Variants in SFXN1 observed in about 807,000 individuals in gnomAD.
SFXN1 encodes the protein sideroflexin-1.
In SFXN1, 32 loss-of-function variants were observed where a neutral mutation model predicts 39.5. The observed-to-expected ratio is 0.81, with a 90% CI of 0.61 to 1.09. The LOEUF is 1.09. Ranked by LOEUF, SFXN1 falls within the 50% of genes least tolerant of loss-of-function variation. The pLI, the probability that SFXN1 is intolerant of heterozygous loss-of-function variation, is 0.00. For synonymous variants in SFXN1, 136 were observed against 146.5 expected (o/e 0.93, Z 0.52); for missense variants, 402 against 407.1 (o/e 0.99, Z 0.11).
Position 175,522,452 on chromosome 5 carries a change from A to G in SFXN1, c.872+30A>G, listed in dbSNP as rs1388415576. 6.2e-6 allele frequency: 10 copies of G among 1,606,606 alleles called. No homozygotes were observed. The South Asian group carries it at 8.8e-5, about 14-fold the overall frequency. On this transcript the variant is annotated intron_variant, in intron 10 of 10. Coordinates refer to ENST00000321442, the MANE Select transcript of SFXN1 (RefSeq NM_022754.7). ...GTATTTGTTATTCGTCAGAATCATC[A>G]TGAGTATTAATCCTAAAAACCAATT...
chr5:175,480,639 A>T (rs1234572288), intron 1 of SFXN1, among the ~76,000 whole-genome samples: 3 of 152,230 alleles, frequency 2.0e-5, no homozygotes, highest in African/African-American at 2.4e-5. Context: ...CCCCATGGGG[A>T]TGGATACAGA....
At chr5:175,517,512 G>A (rs866611529) in intron 8 of SFXN1, among the ~76,000 whole-genome samples, 4 of 152,068 alleles carry the variant, frequency 2.6e-5, no homozygotes, top group Admixed American at 6.5e-5. Context: ...CTGGTTGTAG[G>A]TGTACTCCTT....
Position 175,513,599 on chromosome 5 carries a change from G to C in SFXN1, c.724+9G>C, listed in dbSNP as rs750388562. On this transcript the variant is annotated intron_variant, in intron 7 of 10. Transcript: ENST00000321442. ...GGCAGCCCCTGGCATGGGTTAGCAG[G>C]ACTTTGTCATTTATTCCATAAATAC... 6.2e-7 allele frequency: 1 copy of C among 1,613,338 alleles called. No homozygotes were observed. Among genetic ancestry groups the C allele is most frequent in the South Asian group, 1.1e-5 (1 of 90,976 alleles).
chr5:175,507,846 G>A (rs370754312), intron 2 of SFXN1, among the ~76,000 whole-genome samples: 9 of 152,102 alleles, frequency 5.9e-5, no homozygotes, highest in Admixed American at 5.2e-4. Context: ...GGTGGCGCAT[G>A]CCTATAGTCC....
At chr5:175,506,576 T>C (rs146695033) in intron 2 of SFXN1, among the ~76,000 whole-genome samples, 83 of 152,332 alleles carry the variant, frequency 5.4e-4, no homozygotes, top group African/African-American at 1.9e-3. Context: ...TTAGAAGCAA[T>C]TAATATGCCC....
At chr5:175,518,396 G>A (rs757932468) in intron 8 of SFXN1, among the ~76,000 whole-genome samples, 1 of 152,058 alleles carries the variant, frequency 6.6e-6, no homozygotes, top group Non-Finnish European at 1.5e-5. Flanking sequence ...TTTTTCAGCA[G>A]CCCTTTGCTG....
In SFXN1 at chr5:175,526,643, T is replaced by C. The variant is rs1315881706; in HGVS notation, c.878T>C (p.Met293Thr). Reference sequence around the variant, plus strand: ...TCATTTCTCCCTTATCCCAGTTCCATGTCTGTGACAAGCTTGGAGGCCGAG... The same window carrying C: ...TCATTTCTCCCTTATCCCAGTTCCACGTCTGTGACAAGCTTGGAGGCCGAG... ...CCALFPQKSS[M>T]SVTSLEAELQ... The change falls in exon 11 of 11, where the codon ATG becomes ACG. Residue 293 changes from methionine (M) to threonine (T), a missense_variant. By Grantham distance (81) the Met-to-Thr change is moderately conservative. Coordinates refer to ENST00000321442, the MANE Select transcript of SFXN1 (RefSeq NM_022754.7). The C allele has an allele frequency of 6.2e-7, 1 of 1,613,934 alleles. No homozygotes were observed. Among genetic ancestry groups the C allele is most frequent in the African/African-American group, 1.3e-5 (1 of 74,944 alleles).
intron 10 of SFXN1, among the ~76,000 whole-genome samples, chr5:175,526,124 G>GTTTTTTTTT (rs35414343): frequency 3.1e-5 from 4 of 127,658 alleles, no homozygotes; most frequent in Admixed American, 7.8e-5. Context: ...AAATGTTTTG[G>GTTTTTTTTT]TTTTTTTTTT....
At chr5:175,493,438 T>C (rs1759738468) in intron 2 of SFXN1, among the ~76,000 whole-genome samples, 2 of 152,082 alleles carry the variant, frequency 1.3e-5, no homozygotes, top group African/African-American at 4.8e-5. Flanking sequence ...TTAACCATCA[T>C]CTAGGTAGAG....
intron 2 of SFXN1, among the ~76,000 whole-genome samples, chr5:175,507,198 A>T (rs56406909): frequency 0.032 from 4,877 of 151,810 alleles, 118 homozygotes; most frequent in Non-Finnish European, 0.048. Context: ...GTCTGATTGC[A>T]CATGGCCTTC....
chr5:175,493,784 G>C (rs1759751928), intron 2 of SFXN1, among the ~76,000 whole-genome samples: 1 of 152,226 alleles, frequency 6.6e-6, no homozygotes, highest in Non-Finnish European at 1.5e-5. Context: ...GAATGAACCT[G>C]AGAAGCTTGC....
intron 7 of SFXN1, 165 bp downstream of exon 7, chr5:175,513,755 G>A: frequency 2.9e-6 from 2 of 692,660 alleles, no homozygotes; most frequent in Admixed American, 2.7e-5. Context: ...TATGTGCAGT[G>A]GTGATGAGGG....
At chr5:175,503,229 A>G (rs147514302) in intron 2 of SFXN1, among the ~76,000 whole-genome samples, 2 of 152,362 alleles carry the variant, frequency 1.3e-5, no homozygotes, top group African/African-American at 4.8e-5. Flanking sequence ...TATTTAAATT[A>G]TACCTCAATA....
chr5:175,510,038 T>C lies in SFXN1; in HGVS notation c.336-71T>C, dbSNP rs541408236. On this transcript the variant is annotated intron_variant, in intron 3 of 10. Coordinates refer to ENST00000321442, the MANE Select transcript of SFXN1 (RefSeq NM_022754.7). ...TACGTCTCCTCTCTGGTTACTGGTGTTCACGTTTTCTGTTCCATGCCGCGG... is the reference window on the plus strand; with the variant it reads ...TACGTCTCCTCTCTGGTTACTGGTGCTCACGTTTTCTGTTCCATGCCGCGG... 12 of 1,261,490 alleles carry C rather than the reference T, an allele frequency of 9.5e-6. No individual in the cohort carries two copies. The East Asian group carries it at 3.0e-4, about 31-fold the overall frequency. 78.1% of individuals were successfully genotyped at this position (1,261,490 alleles called of 1,614,324 possible).
chr5:175,509,226 AGTGT>A, intron 3 of SFXN1, 24 bp downstream of exon 3: 1 of 1,587,922 alleles, frequency 6.3e-7, no homozygotes, highest in Non-Finnish European at 8.6e-7. Context: ...ATGTAGCAAC[AGTGT>A]GTTTACCATT....
chr5:175,522,549 C>A, intron 10 of SFXN1, 127 bp downstream of exon 10: 1 of 892,674 alleles, frequency 1.1e-6, no homozygotes, highest in Non-Finnish European at 1.7e-6. Context: ...AAGCCAGGGT[C>A]TCTTAAAAGG....
chr5:175,494,028 A>C (rs1379949353), intron 2 of SFXN1, among the ~76,000 whole-genome samples: 1 of 152,236 alleles, frequency 6.6e-6, no homozygotes, highest in African/African-American at 2.4e-5. Flanking sequence ...AGACTCTGTA[A>C]GAGGAAAAGA....
intron 1 of SFXN1, among the ~76,000 whole-genome samples, chr5:175,482,266 A>G (rs1467785940): frequency 2.6e-5 from 4 of 152,154 alleles, no homozygotes; most frequent in African/African-American, 9.7e-5. Flanking sequence ...CTTTCAAAAT[A>G]CGGTAGTTTT....
At chr5:175,510,260 T>A in intron 4 of SFXN1, 53 bp downstream of exon 4, 1 of 1,389,628 alleles carries the variant, frequency 7.2e-7, no homozygotes, top group Non-Finnish European at 1.0e-6. Flanking sequence ...TTCATTTTAT[T>A]AAGTGGTGAT....
Sources: gnomAD v4.1 joint callset for allele counts (sites outside exome capture counted in the v4.1 genomes callset) on GRCh38, gnomAD v4.1.1 for gene constraint, MANE v1.5 for transcripts, NCBI Gene and HGNC (gene_info 2026-07-23, HGNC 2026-07-21) for gene names.